The following CEP192 variants were observed in gnomAD, a reference collection of about 807,000 sequenced individuals.
The protein encoded by CEP192 is centrosomal protein 192.
CEP192 carries 151 observed loss-of-function variants against 271.8 expected under a neutral mutation model. That is an observed-to-expected ratio of 0.56 (90% CI 0.49 to 0.64). The LOEUF (loss-of-function observed/expected upper bound fraction) is 0.64, where lower values mean the gene tolerates loss of function less well. CEP192 is among the 30% of genes least tolerant of loss of function. CEP192 has a pLI of 0.00. For synonymous variants in CEP192, 995 were observed against 1,076.5 expected, an observed-to-expected ratio of 0.92 and a Z score of 1.48; for missense variants, 2,910 against 3,020.5, an observed-to-expected ratio of 0.96 and a Z score of 0.86.
chr18:13,113,486 T>A, intron 40 of CEP192, 100 bp from the exon 41 acceptor site: 1 of 1,169,138 alleles, frequency 8.6e-7, no homozygotes, highest in East Asian at 2.4e-5. Flanking sequence ...AAGCATTTGT[T>A]CCTTTAATTT....
In CEP192 at chr18:13,069,719, AT is replaced by A. The variant is rs1485387799; in HGVS notation, c.5056-17del. 1.2e-5 allele frequency: 16 copies of A among 1,383,886 alleles called. No homozygotes were observed. The highest frequency in any genetic ancestry group is 1.5e-5 in the Non-Finnish European group (15 of 980,874). 85.7% of individuals were successfully genotyped at this position (1,383,886 alleles called of 1,614,324 possible). A position where few individuals can be genotyped will look rare whatever the true frequency, so the allele number is the denominator to read the frequency against. On this transcript the variant is annotated intron_variant, in intron 26 of 44. Coordinates refer to ENST00000506447, the MANE Select transcript of CEP192 (RefSeq NM_032142.4). ...TTTTGTAAGTCGGCATTCAATTATG[AT>A]TATGTAACTATATTTAGGTCCCAGA...
intron 9 of CEP192, 49 bp downstream of exon 9, chr18:13,019,255 G>T (rs774734734): frequency 1.7e-5 from 24 of 1,404,918 alleles, no homozygotes; most frequent in African/African-American, 4.5e-5. Flanking sequence ...GGAATAAGGG[G>T]TCTTTTGTGT....
intron 37 of CEP192, among the ~76,000 whole-genome samples, chr18:13,099,874 T>G: frequency 6.6e-6 from 1 of 152,262 alleles, no homozygotes; most frequent in East Asian, 1.9e-4. Flanking sequence ...TATGTAGATA[T>G]GTGCAAATAC....
chr18:13,089,536 C>T lies in CEP192; in HGVS notation c.6074C>T (p.Ala2025Val). 1 of 1,589,420 alleles carries T rather than the reference C, an allele frequency of 6.3e-7. No homozygotes were observed. Among genetic ancestry groups the T allele is most frequent in the Non-Finnish European group, 8.6e-7 (1 of 1,160,652 alleles). Residue 2025 changes from alanine (A) to valine (V), a missense_variant, in exon 33 of 45, where the codon GCA becomes GTA. Transcript: ENST00000506447. ...SVLQNINFVE[A>V]FQDELLVTEV... is the part of the protein sequence containing the mutation. Reference sequence around the variant, plus strand: ...CTTCAAAACATTAATTTTGTTGAAGCATTTCAAGATGAGCTATTAGTAACT... The same window carrying T: ...CTTCAAAACATTAATTTTGTTGAAGTATTTCAAGATGAGCTATTAGTAACT...
chr18:13,049,263 G>A lies in CEP192; in HGVS notation c.2472G>A (p.Pro824=), dbSNP rs755112775. ...AACAAACTACTCAAGACATTCATCC[G>A]GTGGACTTAAGTGCTACTAGTGTAA... ...PKEQTTQDIH[P]VDLSATSVSV... Residue 824 remains proline (P), a synonymous_variant, in exon 16 of 45, where the codon CCG becomes CCA. Transcript: ENST00000506447. The A allele has an allele frequency of 7.4e-6, 12 of 1,613,976 alleles. No homozygotes were observed. The highest frequency in any genetic ancestry group is 6.7e-5 in the Admixed American group (4 of 59,998).
intron 33 of CEP192, 50 bp from the exon 34 acceptor site, chr18:13,092,327 G>A (rs778334144): frequency 8.1e-7 from 1 of 1,239,754 alleles, no homozygotes; most frequent in Non-Finnish European, 1.2e-6. Flanking sequence ...TTACTTTGTG[G>A]TATGCTTGTG....
chr18:13,064,089 G>A lies in CEP192; in HGVS notation c.4489-3742G>A, dbSNP rs556110026. Among the ~76,000 whole-genome samples, 85 of 152,032 alleles carry A rather than the reference G, an allele frequency of 5.6e-4. 2 individuals carry two copies. The South Asian group carries it at 0.017, about 30-fold the overall frequency. The stretch of plus-strand genomic sequence containing the variant: ...CCACCTCAGCCTCCCAAAGTGCTGG[G>A]ATTACAGGCGTGAGCCACTGTGCCT... On this transcript the variant is annotated intron_variant, in intron 21 of 44. Transcript: ENST00000506447.
chr18:13,123,269 A>G (rs2040758078), intron 44 of CEP192, among the ~76,000 whole-genome samples: 1 of 152,212 alleles, frequency 6.6e-6, no homozygotes, highest in African/African-American at 2.4e-5. Flanking sequence ...TAAAAAGTAC[A>G]TTATCTTTGA....
chr18:13,057,385 G>T (rs1277283613), intron 19 of CEP192, among the ~76,000 whole-genome samples, 200 bp from the exon 20 acceptor site: 1 of 151,822 alleles, frequency 6.6e-6, no homozygotes, highest in Non-Finnish European at 1.5e-5. Context: ...TTCTTTTCCT[G>T]CGCTGGATGG....
intron 35 of CEP192, among the ~76,000 whole-genome samples, chr18:13,095,979 A>C (rs2039378696): frequency 6.6e-6 from 1 of 151,992 alleles, no homozygotes; most frequent in Non-Finnish European, 1.5e-5. Flanking sequence ...GTGTGTGCTT[A>C]AGTTAAGACC....
At chr18:13,084,559 C>T (rs141792137) in intron 30 of CEP192, among the ~76,000 whole-genome samples, 2,364 of 152,296 alleles carry the variant, frequency 0.016, 36 homozygotes, top group Middle Eastern at 0.051. Flanking sequence ...AAAGGGAAAT[C>T]CCCCGACCCC....
chr18:13,047,864 C>T (rs921053344), intron 15 of CEP192, among the ~76,000 whole-genome samples: 1 of 152,150 alleles, frequency 6.6e-6, no homozygotes, highest in Non-Finnish European at 1.5e-5. Flanking sequence ...GCTTTTCAAT[C>T]TCAATATCTT....
At position 13,056,489 on chromosome 18, in the gene CEP192, CAGGAG is replaced by C; in HGVS notation, c.3902_3906del (p.Gly1301AlafsTer28). ...GGAGGCCTTCCCTATCCAGCTGTTGCAGGAGAGCCTGTGCAGAACTCTGTGGCTGT... is the reference window on the plus strand; with the variant it reads ...GGAGGCCTTCCCTATCCAGCTGTTGCAGCCTGTGCAGAACTCTGTGGCTGT... On this transcript the variant is annotated frameshift_variant, in exon 19 of 45. Coordinates refer to ENST00000506447, the MANE Select transcript of CEP192 (RefSeq NM_032142.4). LOFTEE classifies it high-confidence loss of function. 6.2e-7 allele frequency: 1 copy of C among 1,614,178 alleles called. No homozygotes were observed. The highest frequency in any genetic ancestry group is 8.5e-7 in the Non-Finnish European group (1 of 1,180,004).
intron 3 of CEP192, among the ~76,000 whole-genome samples, chr18:13,005,515 T>C (rs998224413): frequency 1.3e-5 from 2 of 152,216 alleles, no homozygotes; most frequent in African/African-American, 2.4e-5. Context: ...GGGTATCCTC[T>C]TGACTCTTGC....
chr18:13,010,653 C>A (rs1439886838), intron 4 of CEP192, among the ~76,000 whole-genome samples: 1 of 152,096 alleles, frequency 6.6e-6, no homozygotes, highest in South Asian at 2.1e-4. Context: ...TCAAGACCAG[C>A]CTGACCAACA....
chr18:13,024,826 G>A (rs1351065750), intron 9 of CEP192, among the ~76,000 whole-genome samples: 1 of 151,906 alleles, frequency 6.6e-6, no homozygotes, highest in African/African-American at 2.4e-5. Flanking sequence ...CTCTAGTGCA[G>A]TGGTGCGATC....
intron 2 of CEP192, among the ~76,000 whole-genome samples, chr18:13,001,108 A>G (rs773476501): frequency 1.1e-4 from 17 of 152,188 alleles, no homozygotes; most frequent in Non-Finnish European, 2.4e-4. Context: ...GGTCTTGCAT[A>G]ATATATAAAG....
chr18:13,050,692 G>A (rs1279223137), intron 17 of CEP192, among the ~76,000 whole-genome samples: 1 of 151,356 alleles, frequency 6.6e-6, no homozygotes, highest in Non-Finnish European at 1.5e-5. Flanking sequence ...CGATTCTCCT[G>A]CCTCGGTCTC....
intron 21 of CEP192, among the ~76,000 whole-genome samples, chr18:13,066,755 A>G (rs1473997314): frequency 6.6e-6 from 1 of 152,268 alleles, no homozygotes; most frequent in Non-Finnish European, 1.5e-5. Context: ...TGCAGATTTC[A>G]AATTCCATTC....
Sources: allele counts gnomAD v4.1 joint callset (sites outside exome capture counted in the v4.1 genomes callset), GRCh38; gene constraint gnomAD v4.1.1; transcripts MANE v1.5; gene names NCBI Gene and HGNC (gene_info 2026-07-23, HGNC 2026-07-21).